The following ATRX variants were observed in gnomAD, a reference collection of about 807,000 sequenced individuals.
ATRX encodes the protein chromatin remodeler ATRX.
Under a neutral mutation model 172.6 loss-of-function variants are expected in ATRX, and 12 were observed. That is an observed-to-expected ratio of 0.07 (90% confidence interval 0.04 to 0.11). ATRX has a LOEUF of 0.11. ATRX is among the 10% of genes least tolerant of loss of function. The pLI, the probability that ATRX is intolerant of heterozygous loss-of-function variation, is 1.00. For missense variants in ATRX, 1,368 were observed against 1,767.4 expected (o/e 0.77, Z 4.05); for synonymous variants, 674 against 594.7 (o/e 1.13, Z -1.94).
intron 10 of ATRX, among the ~76,000 whole-genome samples, chrX:77,668,686 G>A (rs1160529361): frequency 9.0e-6 from 1 of 110,871 alleles, no homozygotes; most frequent in African/African-American, 3.3e-5. Flanking sequence ...CGGAACTGGC[G>A]CATGAGAAAA....
At chrX:77,544,743 G>C (rs1452744299) in intron 30 of ATRX, among the ~76,000 whole-genome samples, 7 of 110,656 alleles carry the variant, frequency 6.3e-5, no homozygotes, top group Non-Finnish European at 1.3e-4. Context: ...CAAAGGACAT[G>C]AACTCATCAT....
intron 1 of ATRX, among the ~76,000 whole-genome samples, chrX:77,766,554 G>A (rs2075951417): frequency 9.2e-6 from 1 of 108,232 alleles, no homozygotes; most frequent in African/African-American, 3.4e-5. Flanking sequence ...GGTCGCAGCC[G>A]GGCAGAGGCG....
chrX:77,690,410 T>A (rs1335893838), intron 6 of ATRX, among the ~76,000 whole-genome samples: 1 of 112,275 alleles, frequency 8.9e-6, no homozygotes, highest in African/African-American at 3.2e-5. Flanking sequence ...ATCATACTTT[T>A]TTAGAAAAGT....
chrX:77,757,003 C>T (rs1353107109), intron 1 of ATRX, among the ~76,000 whole-genome samples: 8 of 110,969 alleles, frequency 7.2e-5, no homozygotes, highest in Admixed American at 6.8e-4. Flanking sequence ...CCAGGCTGGT[C>T]TCGAACTCCT....
intron 3 of ATRX, among the ~76,000 whole-genome samples, 187 bp downstream of exon 3, chrX:77,698,387 A>G (rs2072306021): frequency 8.9e-6 from 1 of 111,895 alleles, no homozygotes; most frequent in Non-Finnish European, 1.9e-5. Context: ...AAACCACTGA[A>G]GTGAACCACA....
At chrX:77,747,284 G>C (rs2075120370) in intron 1 of ATRX, among the ~76,000 whole-genome samples, 1 of 110,819 alleles carries the variant, frequency 9.0e-6, no homozygotes, top group Admixed American at 9.7e-5. Context: ...AGCACTTTGA[G>C]AGGCCAAGGC....
rs1237010118 is a variant in ATRX, at chrX:77,716,319, A to ATAT, written c.133+811_133+812insATA. On this transcript the variant is annotated intron_variant, in intron 2 of 34. Coordinates refer to ENST00000373344, the MANE Select transcript of ATRX (RefSeq NM_000489.6). ...GTCTCTTTAAAAAAAAAAAAAAAAA[A>ATAT]AAAAATATATATATATATATATATA... 4.8e-3 allele frequency among the ~76,000 whole-genome samples: 196 copies of ATAT among 41,101 alleles called. 1 individual carries two copies. The highest frequency in any genetic ancestry group is 0.026 in the East Asian group (36 of 1,360). 35.7% of individuals were successfully genotyped at this position (41,101 alleles called of 115,157 possible). A position where few individuals can be genotyped will look rare whatever the true frequency, so the allele number is the denominator to read the frequency against.
At chrX:77,637,810 G>A (rs782054839) in intron 15 of ATRX, among the ~76,000 whole-genome samples, 7 of 106,777 alleles carry the variant, frequency 6.6e-5, no homozygotes, top group African/African-American at 1.0e-4. Context: ...GGCTGGTGGC[G>A]GGCGCCTGTA....
chrX:77,642,862 G>T (rs182618013), intron 15 of ATRX, among the ~76,000 whole-genome samples: 131 of 111,198 alleles, frequency 1.2e-3, no homozygotes, highest in African/African-American at 4.3e-3. Flanking sequence ...GCCAGGCATG[G>T]TGGTGACCGC....
Position 77,507,032 on chromosome X carries a change from G to A in ATRX, c.*1319C>T, listed in dbSNP as rs1170224060. 1.2e-5 allele frequency: 2 copies of A among 161,533 alleles called. No homozygotes were observed. Among genetic ancestry groups the A allele is most frequent in the Non-Finnish European group, 2.3e-5 (2 of 87,238 alleles). The allele number at this position is 161,533 out of a possible 1,213,427, so 13.3% of individuals were successfully genotyped here. A position where few individuals can be genotyped will look rare whatever the true frequency, so the allele number is the denominator to read the frequency against. On this transcript the variant is annotated 3_prime_UTR_variant, in exon 35 of 35. Transcript: ENST00000373344. ...AACAATGTTTTCTTTAACAATTCAAGTAACCAAAATTGTACATGAATAAAT... is the reference window on the plus strand; with the variant it reads ...AACAATGTTTTCTTTAACAATTCAAATAACCAAAATTGTACATGAATAAAT...
chrX:77,730,743 A>C (rs1557175761), intron 1 of ATRX, among the ~76,000 whole-genome samples: 1 of 112,153 alleles, frequency 8.9e-6, no homozygotes, highest in Non-Finnish European at 1.9e-5. Flanking sequence ...CAGTAAGTCA[A>C]TGCAAAAATT....
At chrX:77,736,551 A>G (rs2074577691) in intron 1 of ATRX, among the ~76,000 whole-genome samples, 1 of 112,769 alleles carries the variant, frequency 8.9e-6, no homozygotes, top group African/African-American at 3.2e-5. Context: ...GCTTATATCC[A>G]AAAGACAGGC....
intron 2 of ATRX, among the ~76,000 whole-genome samples, chrX:77,714,118 C>T (rs2073248045): frequency 9.0e-6 from 1 of 111,313 alleles, no homozygotes; most frequent in Non-Finnish European, 1.9e-5. Flanking sequence ...GAGGGCATCA[C>T]GTGAGAAGAA....
At chrX:77,654,056 G>C (rs782699377) in intron 14 of ATRX, 42 bp downstream of exon 14, 3 of 1,052,745 alleles carry the variant, frequency 2.8e-6, no homozygotes, top group African/African-American at 3.7e-5. Context: ...ATAGTCTACT[G>C]TACTGGTTAT....
intron 25 of ATRX, chrX:77,595,490 T>C (rs1417818228): frequency 8.9e-6 from 1 of 111,899 alleles, no homozygotes; most frequent in Non-Finnish European, 1.9e-5. Flanking sequence ...AATGTAACTA[T>C]TTTTCCCAAC....
chrX:77,766,182 C>T (rs1380551847), intron 1 of ATRX, among the ~76,000 whole-genome samples: 2 of 112,955 alleles, frequency 1.8e-5, no homozygotes, highest in African/African-American at 6.4e-5. Context: ...GTCATCATGG[C>T]CCGTTCTCAA....
intron 1 of ATRX, among the ~76,000 whole-genome samples, chrX:77,758,304 C>T (rs2075585668): frequency 9.3e-6 from 1 of 107,935 alleles, no homozygotes; most frequent in African/African-American, 3.4e-5. Context: ...GCAGGAGAAT[C>T]GCTTGAACCC....
intron 22 of ATRX, among the ~76,000 whole-genome samples, chrX:77,610,333 T>C (rs782410011): frequency 2.0e-4 from 22 of 112,116 alleles, no homozygotes; most frequent in Non-Finnish European, 1.9e-5. Context: ...CATTGAGTTT[T>C]ACATTTCAAT....
At chrX:77,697,147 A>G (rs1569540596) in intron 4 of ATRX, among the ~76,000 whole-genome samples, 1 of 111,900 alleles carries the variant, frequency 8.9e-6, no homozygotes, top group East Asian at 2.8e-4. Context: ...TTGACAATTT[A>G]GCAGAAAAAA....
Sources: gnomAD v4.1 joint callset for allele counts (sites outside exome capture counted in the v4.1 genomes callset) on GRCh38, gnomAD v4.1.1 for gene constraint, MANE v1.5 for transcripts, NCBI Gene and HGNC (gene_info 2026-07-23, HGNC 2026-07-21) for gene names.